Variants in PDCD4 observed in about 807,000 individuals in gnomAD.
PDCD4 encodes programmed cell death protein 4.
PDCD4 carries 56 observed loss-of-function variants against 54.0 expected under a neutral mutation model. The observed-to-expected ratio is 1.04, with a 90% CI of 0.84 to 1.30. The LOEUF (loss-of-function observed/expected upper bound fraction) is 1.30. Among genes scored for constraint, PDCD4 ranks in the 50% most tolerant of loss-of-function variants. PDCD4 has a pLI of 0.00. For synonymous variants in PDCD4, 186 were observed against 194.8 expected (o/e 0.95, Z 0.37); for missense variants, 584 against 559.8 (o/e 1.04, Z -0.44).
At chr10:110,896,730 T>C (rs1845839166) in intron 11 of PDCD4, among the ~76,000 whole-genome samples, 1 of 152,210 alleles carries the variant, frequency 6.6e-6, no homozygotes, top group East Asian at 1.9e-4. Flanking sequence ...TAGTAATAGC[T>C]AAACTTTTTG....
chr10:110,897,716 T>C (rs185850237), intron 11 of PDCD4, among the ~76,000 whole-genome samples: 59 of 152,268 alleles, frequency 3.9e-4, no homozygotes, highest in Admixed American at 1.7e-3. Context: ...AAATAATAAT[T>C]AGAAATTAAT....
At chr10:110,877,584 T>A (rs1041785119) in intron 2 of PDCD4, among the ~76,000 whole-genome samples, 12 of 152,222 alleles carry the variant, frequency 7.9e-5, no homozygotes, top group Admixed American at 4.6e-4. Context: ...TCTATTTCTA[T>A]TAGAAATAGA....
chr10:110,872,757 T>C (rs963205362), intron 1 of PDCD4, among the ~76,000 whole-genome samples: 1 of 152,142 alleles, frequency 6.6e-6, no homozygotes, highest in African/African-American at 2.4e-5. Context: ...TAAAATAAAA[T>C]CTCCCAGAGA....
Position 110,894,001 on chromosome 10 carries a change from A to G in PDCD4, c.991-90A>G, listed in dbSNP as rs999230075. The G allele has an allele frequency of 1.9e-5, 14 of 722,840 alleles. No homozygotes were observed. In the East Asian group the frequency reaches 2.8e-4, roughly 14 times the overall value. 44.8% of individuals were successfully genotyped at this position (722,840 alleles called of 1,614,324 possible). On this transcript the variant is annotated intron_variant, in intron 8 of 11. Transcript: ENST00000280154. ...GCTGTTTGTTACCCACTATTTCATT[A>G]TATTGGAATGAGGGCAAATAATCCT...
chr10:110,876,117 G>A (rs767440635), intron 2 of PDCD4, 47 bp downstream of exon 2: 4 of 1,492,668 alleles, frequency 2.7e-6, no homozygotes. Context: ...TTTGAGACAG[G>A]ATCTTGCTCT....
intron 3 of PDCD4, 75 bp from the exon 4 acceptor site, chr10:110,882,928 C>A: frequency 2.1e-6 from 2 of 941,410 alleles, no homozygotes; most frequent in East Asian, 2.5e-5. Flanking sequence ...TGTTTAACAT[C>A]GGAACATTTT....
intron 6 of PDCD4, among the ~76,000 whole-genome samples, chr10:110,889,055 C>A (rs1036250970): frequency 1.3e-5 from 2 of 151,774 alleles, no homozygotes; most frequent in Admixed American, 6.6e-5. Context: ...GATGGTGACA[C>A]CCCGTCTCTA....
chr10:110,890,622 G>C lies in PDCD4; in HGVS notation c.942G>C (p.Val314=), dbSNP rs372335039. The C allele has an allele frequency of 2.2e-5, 35 of 1,613,394 alleles. No homozygotes were observed. The highest frequency in any genetic ancestry group is 2.7e-5 in the Non-Finnish European group (32 of 1,179,586). The change falls in exon 8 of 12, where the codon GTG becomes GTC. Residue 314 remains valine, a synonymous_variant. Transcript: ENST00000280154. ...MSKGGKRKDS[V]WGSGGGQQSV... ...AAGGTGGAAAGCGTAAAGATAGTGT[G>C]TGGGGCTCTGGAGGTGGGCAGCAAT... is the stretch of plus-strand genomic sequence containing the variant.
chr10:110,897,326 T>C (rs1454828572), intron 11 of PDCD4, among the ~76,000 whole-genome samples: 1 of 152,204 alleles, frequency 6.6e-6, no homozygotes, highest in Non-Finnish European at 1.5e-5. Context: ...AAGGTGCACA[T>C]TTGTGTGTGG....
At chr10:110,881,772 C>T (rs982524254) in intron 3 of PDCD4, among the ~76,000 whole-genome samples, 6 of 152,076 alleles carry the variant, frequency 3.9e-5, no homozygotes, top group South Asian at 2.1e-4. Context: ...AGAATGTTAA[C>T]GATTTATTTC....
chr10:110,893,145 T>C (rs2134004645), intron 8 of PDCD4, among the ~76,000 whole-genome samples: 1 of 152,106 alleles, frequency 6.6e-6, no homozygotes, highest in East Asian at 1.9e-4. Flanking sequence ...TCAGAATGTA[T>C]CCCTGTTAAA....
At chr10:110,872,828 A>T (rs971067512) in intron 1 of PDCD4, among the ~76,000 whole-genome samples, 1 of 152,230 alleles carries the variant, frequency 6.6e-6, no homozygotes, top group South Asian at 2.1e-4. Context: ...TCCATTTGTC[A>T]GTTTGATGCT....
chr10:110,896,570 TG>T (rs1301700586), intron 11 of PDCD4, among the ~76,000 whole-genome samples: 1 of 151,952 alleles, frequency 6.6e-6, no homozygotes, highest in Non-Finnish European at 1.5e-5. Context: ...GTGTGTGTGT[TG>T]GGGGGTGTGT....
chr10:110,872,793 T>C (rs1845440785), intron 1 of PDCD4, among the ~76,000 whole-genome samples: 1 of 152,208 alleles, frequency 6.6e-6, no homozygotes, highest in South Asian at 2.1e-4. Flanking sequence ...GGGAGCCCCC[T>C]TTCTGTGAAA....
rs143197458 is a variant in PDCD4 at position 110,895,084 on chromosome 10, A to T, written c.1209+562A>T. Among the ~76,000 whole-genome samples, 785 of 152,024 alleles carry T rather than the reference A, an allele frequency of 5.2e-3. 8 individuals carry two copies. Among genetic ancestry groups the T allele is most frequent in the African/African-American group, 0.018 (752 of 41,500 alleles). ...ACTTATTTTTTTATTTATATTTTTA[A>T]TTTTAGATATCAGAGGGGTATATGT... On this transcript the variant is annotated intron_variant, in intron 10 of 11. Coordinates refer to ENST00000280154, the MANE Select transcript of PDCD4 (RefSeq NM_014456.5).
Position 110,885,253 on chromosome 10 carries a change from G to C in PDCD4, c.442G>C (p.Glu148Gln), listed in dbSNP as rs892568940. The change falls in exon 5 of 12, where the codon GAG becomes CAG. Residue 148 changes from glutamate to glutamine, a missense_variant and splice_region_variant. Glu to Gln is a conservative substitution (Grantham distance 29). Transcript: ENST00000280154. The stretch of plus-strand genomic sequence containing the variant: ...CTCTTACTCCCTTTTCCCCTCAAAG[G>C]AGAACTGTGTTTATGAAACTGTAGT... ...VKDPNYDDDQ[E>Q]NCVYETVVLP... 2.7e-6 allele frequency: 4 copies of C among 1,455,574 alleles called. No homozygotes were observed. The highest frequency in any genetic ancestry group is 1.2e-5 in the South Asian group (1 of 85,032). The allele number at this position is 1,455,574 out of a possible 1,614,324, so 90.2% of individuals were successfully genotyped here.
At chr10:110,883,914 C>G (rs1379868271) in intron 4 of PDCD4, among the ~76,000 whole-genome samples, 1 of 152,102 alleles carries the variant, frequency 6.6e-6, no homozygotes, top group African/African-American at 2.4e-5. Context: ...TAGTAGGATT[C>G]AAGTACTGTA....
At chr10:110,886,531 C>G (rs1845672291) in intron 5 of PDCD4, among the ~76,000 whole-genome samples, 1 of 152,108 alleles carries the variant, frequency 6.6e-6, no homozygotes, top group African/African-American at 2.4e-5. Flanking sequence ...AGTTTTGGCA[C>G]TCTCTTAGTA....
intron 4 of PDCD4, among the ~76,000 whole-genome samples, chr10:110,883,491 A>T (rs1402431229): frequency 6.6e-6 from 1 of 152,180 alleles, no homozygotes; most frequent in Non-Finnish European, 1.5e-5. Flanking sequence ...TTTTAGGGAT[A>T]ATGCTGAAAA....
Sources: allele counts gnomAD v4.1 joint callset (sites outside exome capture counted in the v4.1 genomes callset), GRCh38; gene constraint gnomAD v4.1.1; transcripts MANE v1.5; gene names NCBI Gene and HGNC (gene_info 2026-07-23, HGNC 2026-07-21).